The following ACSM1 variants were observed in gnomAD, a reference collection of about 807,000 sequenced individuals.
ACSM1 encodes the protein acyl-coenzyme A synthetase ACSM1, mitochondrial.
ACSM1 carries 79 observed loss-of-function variants against 75.8 expected under a neutral mutation model. The observed-to-expected ratio is 1.04, with a 90% CI of 0.87 to 1.26. ACSM1 has a LOEUF of 1.26. ACSM1 is among the 50% of genes most tolerant of loss of function. The probability of loss-of-function intolerance (pLI) is 0.00; values close to 1 mark genes in which losing one functional copy is unlikely to be tolerated. For synonymous variants in ACSM1, 279 were observed against 265.8 expected (o/e 1.05, Z -0.48); for missense variants, 676 against 720.1 (o/e 0.94, Z 0.70).
chr16:20,660,267 G>A (rs1213810595), intron 7 of ACSM1, among the ~76,000 whole-genome samples: 2 of 152,172 alleles, frequency 1.3e-5, no homozygotes, highest in African/African-American at 4.8e-5. Context: ...TAGATTCCCT[G>A]AAGAAAATGG....
intron 10 of ACSM1, among the ~76,000 whole-genome samples, chr16:20,635,998 T>C (rs187818711): frequency 6.6e-6 from 1 of 152,298 alleles, no homozygotes; most frequent in East Asian, 1.9e-4. Flanking sequence ...AAGTAAGGCC[T>C]GTATGTTCCC....
intron 8 of ACSM1, among the ~76,000 whole-genome samples, chr16:20,638,424 G>T (rs1305104744): frequency 2.6e-5 from 4 of 152,134 alleles, no homozygotes; most frequent in Non-Finnish European, 5.9e-5. Context: ...ATTTTTGTTT[G>T]TCTGTTTCCT....
chr16:20,626,126 C>T (rs1467889418), intron 11 of ACSM1, among the ~76,000 whole-genome samples: 3 of 152,064 alleles, frequency 2.0e-5, no homozygotes, highest in African/African-American at 7.2e-5. Context: ...TGGCTCACAC[C>T]TGTAATTTTA....
chr16:20,680,541 C>T (rs186438636), intron 4 of ACSM1: 107 of 152,368 alleles, frequency 7.0e-4, no homozygotes, highest in African/African-American at 2.5e-3. Flanking sequence ...CTTCGCTTAA[C>T]CCTGCCAGTG....
At chr16:20,671,712 G>C (rs1211941216) in intron 4 of ACSM1, 41 bp from the exon 5 acceptor site, 4 of 1,463,638 alleles carry the variant, frequency 2.7e-6, no homozygotes, top group Non-Finnish European at 3.6e-6. Flanking sequence ...AGTCATGATT[G>C]CTGTTTCTTC....
At chr16:20,689,150 C>T (rs2079608343) in intron 2 of ACSM1, among the ~76,000 whole-genome samples, 1 of 151,442 alleles carries the variant, frequency 6.6e-6, no homozygotes, top group Non-Finnish European at 1.5e-5. Flanking sequence ...AGGATTTTTA[C>T]ATTTAATTTT....
At chr16:20,693,169 CAAAAA>C (rs35507753) in intron 1 of ACSM1, among the ~76,000 whole-genome samples, 1 of 114,484 alleles carries the variant, frequency 8.7e-6, no homozygotes, top group African/African-American at 3.3e-5. Context: ...AATTCCGTCT[CAAAAA>C]AAAAAAAAAA....
intron 7 of ACSM1, among the ~76,000 whole-genome samples, chr16:20,652,116 T>TA (rs1247477245): frequency 6.6e-6 from 1 of 152,134 alleles, no homozygotes; most frequent in Non-Finnish European, 1.5e-5. Flanking sequence ...TTCACAGCTA[T>TA]AAAAATCGTT....
intron 7 of ACSM1, among the ~76,000 whole-genome samples, chr16:20,660,949 T>C (rs779386615): frequency 1.6e-4 from 24 of 152,124 alleles, no homozygotes; most frequent in Non-Finnish European, 2.8e-4. Flanking sequence ...GGCAGGAACA[T>C]GGAACAATGG....
At chr16:20,694,167 CTT>C (rs1038635557) in intron 1 of ACSM1, among the ~76,000 whole-genome samples, 9 of 152,314 alleles carry the variant, frequency 5.9e-5, no homozygotes, top group Admixed American at 3.9e-4. Flanking sequence ...ACCTTTGCCT[CTT>C]TAAAAAAGTT....
chr16:20,678,668 T>G (rs1392786268), intron 4 of ACSM1, among the ~76,000 whole-genome samples: 1 of 152,188 alleles, frequency 6.6e-6, no homozygotes, highest in African/African-American at 2.4e-5. Flanking sequence ...TGGACCAACA[T>G]TTGTGGCTGA....
chr16:20,668,522 T>C (rs1292914466), intron 6 of ACSM1, among the ~76,000 whole-genome samples: 4 of 152,110 alleles, frequency 2.6e-5, no homozygotes, highest in Non-Finnish European at 5.9e-5. Context: ...TGCAGTTTGA[T>C]GTTCTGGAGG....
At chr16:20,638,553 T>C (rs1252265699) in intron 8 of ACSM1, among the ~76,000 whole-genome samples, 3 of 152,224 alleles carry the variant, frequency 2.0e-5, no homozygotes, top group Non-Finnish European at 2.9e-5. Context: ...GGTGAGCATA[T>C]ACAACAGGCG....
intron 2 of ACSM1, among the ~76,000 whole-genome samples, chr16:20,689,555 CA>C (rs1265738786): frequency 6.6e-6 from 1 of 151,846 alleles, no homozygotes; most frequent in African/African-American, 2.4e-5. Context: ...ATGCTGTCTG[CA>C]AAAATTAAGC....
At chr16:20,639,648 G>A (rs573405979) in intron 8 of ACSM1, among the ~76,000 whole-genome samples, 1 of 152,286 alleles carries the variant, frequency 6.6e-6, no homozygotes, top group African/African-American at 2.4e-5. Flanking sequence ...TTTTCTTTCT[G>A]CAGATAGATT....
rs568082080 is a variant in ACSM1 at position 20,640,774 on chromosome 16, T to G, written c.993-190A>C. Reference sequence around the variant, plus strand: ...TCCTGCCAGTCCCTGCGAACTATTCTGGCAGACGGTGGATGGGTGGTGGTG... The same window carrying G: ...TCCTGCCAGTCCCTGCGAACTATTCGGGCAGACGGTGGATGGGTGGTGGTG... On this transcript the variant is annotated intron_variant, in intron 7 of 13. Coordinates refer to ENST00000520010, the MANE Select transcript of ACSM1 (RefSeq NM_001318890.3). Among the ~76,000 whole-genome samples the G allele has an allele frequency of 3.1e-3, 468 of 152,388 alleles. 2 individuals carry two copies. The highest frequency in any genetic ancestry group is 0.01 in the African/African-American group (435 of 41,592).
chr16:20,672,471 A>AAAAAAAAAAAAAAAAAAATAT (rs1555473775), intron 4 of ACSM1, among the ~76,000 whole-genome samples: 1 of 64,574 alleles, frequency 1.5e-5, no homozygotes, highest in Non-Finnish European at 2.6e-5. Flanking sequence ...AAAAAAAAAA[A>AAAAAAAAAAAAAAAAAAATAT]ATATATATAT....
At position 20,666,229 on chromosome 16, in the gene ACSM1, A is replaced by C. The variant is rs1013499081; in HGVS notation, c.912+3598T>G. On this transcript the variant is annotated intron_variant, in intron 6 of 13. Coordinates refer to ENST00000520010, the MANE Select transcript of ACSM1 (RefSeq NM_001318890.3). Reference sequence around the variant, plus strand: ...AATATATGATTATATACATTAAAAAACCCTAAAAACTCTACCAAAGGGTTC... The same window carrying C: ...AATATATGATTATATACATTAAAAACCCCTAAAAACTCTACCAAAGGGTTC... 2.8e-4 allele frequency among the ~76,000 whole-genome samples: 43 copies of C among 152,222 alleles called. No homozygotes were observed. In the Middle Eastern group the frequency reaches 0.01, roughly 36 times the overall value.
Position 20,663,076 on chromosome 16 carries a change from A to T in ACSM1, c.913-1203T>A, listed in dbSNP as rs145610611. On this transcript the variant is annotated intron_variant, in intron 6 of 13. Coordinates refer to ENST00000520010, the MANE Select transcript of ACSM1 (RefSeq NM_001318890.3). ...TAAACCCCCTTGTGGCCTTTGGGAC[A>T]CCAATCTCTGTGCCAAAGGGTGGAA... Among the ~76,000 whole-genome samples, 50 of 152,104 alleles carry T rather than the reference A, an allele frequency of 3.3e-4. 1 individual carries two copies. In the East Asian group the frequency reaches 9.5e-3, roughly 29 times the overall value.
Sources: allele counts gnomAD v4.1 joint callset (sites outside exome capture counted in the v4.1 genomes callset), GRCh38; gene constraint gnomAD v4.1.1; transcripts MANE v1.5; gene names NCBI Gene and HGNC (gene_info 2026-07-23, HGNC 2026-07-21).